The following ANKS1B variants were observed in gnomAD, a reference collection of about 807,000 sequenced individuals.
ANKS1B encodes ankyrin repeat and sterile alpha motif domain-containing protein 1B.
Under a neutral mutation model 148.3 loss-of-function variants are expected in ANKS1B, and 36 were observed. The observed-to-expected ratio is 0.24, with a 90% confidence interval of 0.19 to 0.32. ANKS1B has a LOEUF of 0.32. ANKS1B is among the 10% of genes least tolerant of loss of function. The probability of loss-of-function intolerance (pLI) is 1.00; values close to 1 mark genes in which losing one functional copy is unlikely to be tolerated. For synonymous variants in ANKS1B, 542 were observed against 560.8 expected, an observed-to-expected ratio of 0.97 and a Z score of 0.47; for missense variants, 1,157 against 1,542.6, an observed-to-expected ratio of 0.75 and a Z score of 4.19.
chr12:99,691,943 G>C (rs1215358411), intron 8 of ANKS1B, among the ~76,000 whole-genome samples: 1 of 152,178 alleles, frequency 6.6e-6, no homozygotes, highest in Non-Finnish European at 1.5e-5. Context: ...ATATGTTTAA[G>C]AGGCAAGAAC....
chr12:99,973,134 A>G (rs1446869225), intron 1 of ANKS1B, among the ~76,000 whole-genome samples: 1 of 152,276 alleles, frequency 6.6e-6, no homozygotes, highest in Non-Finnish European at 1.5e-5. Flanking sequence ...GAGATGTACA[A>G]GAGACTAGTG....
intron 9 of ANKS1B, among the ~76,000 whole-genome samples, chr12:99,552,057 T>C (rs944673740): frequency 2.6e-5 from 4 of 152,156 alleles, no homozygotes; most frequent in South Asian, 2.1e-4. Flanking sequence ...CTGTTCCTTT[T>C]ATTTCTGCCT....
intron 12 of ANKS1B, among the ~76,000 whole-genome samples, chr12:99,387,159 G>C (rs1328889044): frequency 6.6e-6 from 1 of 152,182 alleles, no homozygotes; most frequent in African/African-American, 2.4e-5. Flanking sequence ...GGGAGTTAAA[G>C]AAGGCTTCAC....
At chr12:99,014,633 G>A (rs1053868313) in intron 17 of ANKS1B, among the ~76,000 whole-genome samples, 11 of 151,864 alleles carry the variant, frequency 7.2e-5, no homozygotes, top group Non-Finnish European at 1.3e-4. Flanking sequence ...TCTGACAAAC[G>A]TCTAATATCC....
chr12:99,177,470 T>G (rs2078543334), intron 14 of ANKS1B, among the ~76,000 whole-genome samples: 1 of 152,238 alleles, frequency 6.6e-6, no homozygotes, highest in Non-Finnish European at 1.5e-5. Flanking sequence ...ACAAAATGTT[T>G]GTGAAATCAA....
intron 11 of ANKS1B, among the ~76,000 whole-genome samples, chr12:99,424,642 C>T (rs1197640793): frequency 6.7e-6 from 1 of 148,462 alleles, no homozygotes; most frequent in Admixed American, 6.7e-5. Context: ...CACACACACA[C>T]ACACATACAC....
chr12:99,171,754 T>C (rs567816594), intron 14 of ANKS1B, among the ~76,000 whole-genome samples: 2 of 152,176 alleles, frequency 1.3e-5, no homozygotes, highest in Non-Finnish European at 2.9e-5. Context: ...GTAATTCCGT[T>C]GATTTTGTTC....
intron 17 of ANKS1B, among the ~76,000 whole-genome samples, chr12:98,887,553 T>C (rs1324954165): frequency 1.3e-5 from 2 of 152,204 alleles, no homozygotes; most frequent in Admixed American, 6.5e-5. Context: ...GAGACACTTA[T>C]TGGAAGTTCA....
intron 3 of ANKS1B, 88 bp from the exon 4 acceptor site, chr12:99,806,788 T>C (rs2067676376): frequency 8.4e-7 from 1 of 1,194,078 alleles, no homozygotes. Flanking sequence ...CCTGCAATGC[T>C]TTGAAATGTA....
intron 22 of ANKS1B, among the ~76,000 whole-genome samples, chr12:98,789,921 T>C (rs2098832655): frequency 6.6e-6 from 1 of 152,158 alleles, no homozygotes; most frequent in African/African-American, 2.4e-5. Context: ...AAATAGTACC[T>C]ACAAATGCAT....
chr12:99,692,527 T>C lies in ANKS1B; in HGVS notation c.1129-37317A>G, dbSNP rs531014819. On this transcript the variant is annotated intron_variant, in intron 8 of 26. Transcript: ENST00000683438. Reference sequence around the variant, plus strand: ...CTCTACTAAAAATACAAAAATTAGCTGGGCATGGTGGTGCATGCCTGTGGT... The same window carrying C: ...CTCTACTAAAAATACAAAAATTAGCCGGGCATGGTGGTGCATGCCTGTGGT... Among the ~76,000 whole-genome samples the C allele has an allele frequency of 2.6e-5, 4 of 151,844 alleles. 1 individual carries two copies. The highest frequency in any genetic ancestry group is 9.7e-5 in the African/African-American group (4 of 41,438).
intron 3 of ANKS1B, 72 bp from the exon 4 acceptor site, chr12:99,806,772 T>G: frequency 1.4e-6 from 2 of 1,382,782 alleles, no homozygotes; most frequent in South Asian, 2.6e-5. Flanking sequence ...ACACAGTAAT[T>G]TAAAACCTGC....
chr12:99,017,189 C>T (rs919879470), intron 17 of ANKS1B, among the ~76,000 whole-genome samples: 23 of 152,222 alleles, frequency 1.5e-4, no homozygotes, highest in African/African-American at 5.3e-4. Context: ...TTGCTTCTGA[C>T]TTCCAAGCTG....
rs892583445 is a variant in ANKS1B, at chr12:99,037,992, G to C, written c.2778+15165C>G. ...ACCTCTATTCCCCAAACTCCAGGCC[G>C]GCTGCTTGATGTAATAGCAGGTTGT... On this transcript the variant is annotated intron_variant, in intron 17 of 26. Transcript: ENST00000683438. Among the ~76,000 whole-genome samples, 5 of 152,130 alleles carry C rather than the reference G, an allele frequency of 3.3e-5. No individual in the cohort carries two copies. In the South Asian group the frequency reaches 8.3e-4, roughly 25 times the overall value.
intron 17 of ANKS1B, among the ~76,000 whole-genome samples, chr12:99,030,380 G>T (rs183354268): frequency 5.9e-5 from 9 of 152,102 alleles, no homozygotes; most frequent in African/African-American, 2.2e-4. Context: ...TTACACATGG[G>T]AGTCAACAGC....
intron 17 of ANKS1B, among the ~76,000 whole-genome samples, chr12:98,963,184 C>CT (rs978075361): frequency 3.1e-3 from 458 of 146,558 alleles, no homozygotes; most frequent in African/African-American, 8.8e-3. Flanking sequence ...TTTTTCCTTT[C>CT]TTTTTTTTTT....
At chr12:99,481,166 T>C (rs186287449) in intron 10 of ANKS1B, among the ~76,000 whole-genome samples, 3,954 of 151,836 alleles carry the variant, frequency 0.026, 80 homozygotes, top group South Asian at 0.082. Context: ...GTAGTTTGTT[T>C]TTTTATCCCT....
At chr12:99,673,644 C>T (rs2098548673) in intron 8 of ANKS1B, among the ~76,000 whole-genome samples, 1 of 151,822 alleles carries the variant, frequency 6.6e-6, no homozygotes, top group African/African-American at 2.4e-5. Flanking sequence ...ATGCAGTCCT[C>T]ATGAATAATT....
intron 17 of ANKS1B, among the ~76,000 whole-genome samples, chr12:98,914,228 T>C (rs1027854923): frequency 1.3e-5 from 2 of 152,070 alleles, no homozygotes; most frequent in Non-Finnish European, 2.9e-5. Flanking sequence ...ATCCTATTAC[T>C]ATGTGACATG....
Sources: allele counts gnomAD v4.1 joint callset (sites outside exome capture counted in the v4.1 genomes callset), GRCh38; gene constraint gnomAD v4.1.1; transcripts MANE v1.5; gene names NCBI Gene and HGNC (gene_info 2026-07-23, HGNC 2026-07-21).